SP100: variants seen among roughly 807,000 people sequenced by gnomAD.
SP100 encodes nuclear autoantigen Sp-100.
Under a neutral mutation model 130.0 loss-of-function variants are expected in SP100, and 84 were observed. That is an observed-to-expected ratio of 0.65 (90% CI 0.54 to 0.77). The LOEUF (loss-of-function observed/expected upper bound fraction) is 0.77. SP100 is among the 30% of genes least tolerant of loss of function. The probability of loss-of-function intolerance (pLI) is 0.00; values close to 1 mark genes in which losing one functional copy is unlikely to be tolerated. For synonymous variants in SP100, 331 were observed against 351.7 expected (o/e 0.94, Z 0.66); for missense variants, 978 against 1,052.2 (o/e 0.93, Z 0.97).
At chr2:230,432,814 A>G (rs1026394198) in intron 2 of SP100, among the ~76,000 whole-genome samples, 1 of 152,130 alleles carries the variant, frequency 6.6e-6, no homozygotes, top group Non-Finnish European at 1.5e-5. Context: ...TCTTTATGGT[A>G]TATTTGAGGC....
chr2:230,464,179 CTG>C (rs1269931890), intron 11 of SP100, 29 bp downstream of exon 11: 15 of 1,319,454 alleles, frequency 1.1e-5, no homozygotes, highest in Admixed American at 1.7e-5. Flanking sequence ...CAACCCGAGA[CTG>C]TAGAATATCC....
In SP100 at chr2:230,449,553, T is replaced by A. The variant is rs1235940212; in HGVS notation, c.587-8T>A. 4 of 1,613,788 alleles carry A rather than the reference T, an allele frequency of 2.5e-6. No homozygotes were observed. The highest frequency in any genetic ancestry group is 2.5e-6 in the Non-Finnish European group (3 of 1,179,896). On this transcript the variant is annotated splice_region_variant and splice_polypyrimidine_tract_variant and intron_variant, in intron 6 of 28. Transcript: ENST00000340126. ...AATAAAATACCTGTGAATCAAACCATGGTTTAGGTACAACCCCACCTGAAA... is the reference window on the plus strand; with the variant it reads ...AATAAAATACCTGTGAATCAAACCAAGGTTTAGGTACAACCCCACCTGAAA...
At chr2:230,463,370 T>A (rs368595629) in intron 10 of SP100, among the ~76,000 whole-genome samples, 7 of 152,344 alleles carry the variant, frequency 4.6e-5, no homozygotes, top group African/African-American at 1.7e-4. Flanking sequence ...AACATAAGTA[T>A]GCAAATTGGT....
chr2:230,449,430 T>A, intron 6 of SP100, 131 bp from the exon 7 acceptor site: 1 of 1,011,084 alleles, frequency 9.9e-7, no homozygotes, highest in Non-Finnish European at 1.6e-6. Context: ...TCTGCCTGCA[T>A]CTGCTTGAAT....
At chr2:230,516,781 A>G (rs908615273) in intron 24 of SP100, among the ~76,000 whole-genome samples, 3 of 152,220 alleles carry the variant, frequency 2.0e-5, no homozygotes, top group Non-Finnish European at 4.4e-5. Flanking sequence ...TAGAATAGCC[A>G]TGGTTAAAAT....
At chr2:230,539,446 C>A in intron 25 of SP100, 64 bp downstream of exon 25, 1 of 1,089,052 alleles carries the variant, frequency 9.2e-7, no homozygotes, top group Non-Finnish European at 1.4e-6. Context: ...TCCTGCCACT[C>A]ATGAGTACTC....
chr2:230,450,779 G>A (rs557513138), intron 8 of SP100, among the ~76,000 whole-genome samples: 3 of 152,254 alleles, frequency 2.0e-5, no homozygotes, highest in African/African-American at 7.2e-5. Flanking sequence ...CAGGTTCATG[G>A]TTGTTGTTGC....
At chr2:230,501,715 G>T (rs1274305836) in intron 19 of SP100, among the ~76,000 whole-genome samples, 1 of 152,144 alleles carries the variant, frequency 6.6e-6, no homozygotes, top group African/African-American at 2.4e-5. Flanking sequence ...ACCAGCCATG[G>T]GCACAGAATA....
chr2:230,509,886 A>G (rs902718553), intron 23 of SP100: 2 of 152,220 alleles, frequency 1.3e-5, no homozygotes, highest in African/African-American at 4.8e-5. Context: ...CATTAAACAA[A>G]CAACTGTGGA....
intron 24 of SP100, among the ~76,000 whole-genome samples, chr2:230,533,368 T>A (rs1369875360): frequency 6.6e-6 from 1 of 152,198 alleles, no homozygotes; most frequent in Non-Finnish European, 1.5e-5. Flanking sequence ...ACCTAAATAC[T>A]TTAATACAAT....
intron 8 of SP100, among the ~76,000 whole-genome samples, chr2:230,454,282 C>T (rs1311233007): frequency 6.6e-6 from 1 of 151,970 alleles, no homozygotes; most frequent in East Asian, 1.9e-4. Context: ...GTTTTGAACT[C>T]ATTTATTTCT....
At chr2:230,494,245 T>A (rs2066540925) in intron 17 of SP100, among the ~76,000 whole-genome samples, 171 bp from the exon 18 acceptor site, 1 of 152,058 alleles carries the variant, frequency 6.6e-6, no homozygotes, top group South Asian at 2.1e-4. Context: ...TGCTTTGTGG[T>A]TATTGGTTTC....
At chr2:230,525,906 A>G (rs1041825246) in intron 24 of SP100, among the ~76,000 whole-genome samples, 1 of 152,154 alleles carries the variant, frequency 6.6e-6, no homozygotes, top group Non-Finnish European at 1.5e-5. Context: ...GCAGGGAAGC[A>G]TGAACTGGGC....
chr2:230,515,273 A>AG (rs773038661), intron 24 of SP100: 4 of 1,611,106 alleles, frequency 2.5e-6, no homozygotes, highest in Admixed American at 3.4e-5. Context: ...CCTAAAGGGG[A>AG]GAAAAAAAAG....
chr2:230,434,519 A>G (rs1412962803), intron 2 of SP100, among the ~76,000 whole-genome samples: 1 of 152,218 alleles, frequency 6.6e-6, no homozygotes, highest in Non-Finnish European at 1.5e-5. Context: ...TTGGGGGAAA[A>G]GAGACAATAA....
rs1252478706 is a variant in SP100, at chr2:230,541,381, C to G, written c.2403+9C>G. ...CCTCAGAACCGTATTATGTAAGTAA[C>G]AGCCAAACAAAAATGCTTATACTGG... On this transcript the variant is annotated intron_variant, in intron 27 of 28. Transcript: ENST00000340126. 1.2e-6 allele frequency: 2 copies of G among 1,609,702 alleles called. No individual in the cohort carries two copies. The highest frequency in any genetic ancestry group is 1.1e-5 in the South Asian group (1 of 90,804).
At chr2:230,495,133 T>C (rs2066595222) in intron 18 of SP100, among the ~76,000 whole-genome samples, 1 of 152,148 alleles carries the variant, frequency 6.6e-6, no homozygotes, top group Admixed American at 6.5e-5. Context: ...CAGAGATATG[T>C]GGGCAGAGAC....
chr2:230,535,156 A>G (rs1382711778), intron 24 of SP100, among the ~76,000 whole-genome samples: 1 of 152,016 alleles, frequency 6.6e-6, no homozygotes, highest in Non-Finnish European at 1.5e-5. Context: ...AGATTGTGCC[A>G]CTGCACTCTA....
intron 10 of SP100, 151 bp from the exon 11 acceptor site, chr2:230,463,916 G>T: frequency 1.8e-6 from 1 of 562,932 alleles, no homozygotes; most frequent in Non-Finnish European, 3.3e-6. Context: ...ATGAAGGTTA[G>T]TTGAAAGGCA....
Sources: allele counts gnomAD v4.1 joint callset (sites outside exome capture counted in the v4.1 genomes callset), GRCh38; gene constraint gnomAD v4.1.1; transcripts MANE v1.5; gene names NCBI Gene and HGNC (gene_info 2026-07-23, HGNC 2026-07-21).